The following LY86 variants were observed in gnomAD, a reference collection of about 807,000 sequenced individuals.
The protein encoded by LY86 is lymphocyte antigen 86.
In LY86, 20 loss-of-function variants were observed where a neutral mutation model predicts 17.3. The ratio of observed to expected loss-of-function variants is 1.15; its 90% CI spans 0.81 to 1.68. LY86 has a LOEUF of 1.68. Ranked by LOEUF, LY86 falls within the 40% of genes most tolerant of loss-of-function variation. The pLI, the probability that LY86 is intolerant of heterozygous loss-of-function variation, is 0.00. For synonymous variants in LY86, 74 were observed against 70.6 expected (o/e 1.05, Z -0.24); for missense variants, 200 against 191.9 (o/e 1.04, Z -0.25).
intron 1 of LY86, among the ~76,000 whole-genome samples, chr6:6,605,365 T>TA (rs1761077904): frequency 6.6e-6 from 1 of 152,232 alleles, no homozygotes; most frequent in Admixed American, 6.5e-5. Context: ...ATTCTAGGCT[T>TA]GGCTGGGGGA....
chr6:6,634,269 G>C (rs984881513), intron 3 of LY86, among the ~76,000 whole-genome samples: 1 of 152,220 alleles, frequency 6.6e-6, no homozygotes. Context: ...GCAATTAAAA[G>C]AAATATGATG....
intron 1 of LY86, among the ~76,000 whole-genome samples, chr6:6,602,036 C>T (rs910938532): frequency 5.3e-5 from 8 of 152,228 alleles, no homozygotes; most frequent in Admixed American, 2.6e-4. Flanking sequence ...AGGGTTTAGC[C>T]AGGTCATGCC....
chr6:6,629,748 C>T (rs1026787547), intron 3 of LY86, among the ~76,000 whole-genome samples: 1 of 152,212 alleles, frequency 6.6e-6, no homozygotes, highest in Non-Finnish European at 1.5e-5. Flanking sequence ...TTAAGGCAAG[C>T]ATCACATTGG....
intron 3 of LY86, among the ~76,000 whole-genome samples, chr6:6,639,947 C>T (rs1762014797): frequency 6.6e-6 from 1 of 152,180 alleles, no homozygotes; most frequent in African/African-American, 2.4e-5. Context: ...AATTAAAATG[C>T]TTTCATAGAA....
At chr6:6,633,067 C>G (rs763817383) in intron 3 of LY86, among the ~76,000 whole-genome samples, 2 of 152,166 alleles carry the variant, frequency 1.3e-5, no homozygotes, top group Admixed American at 1.3e-4. Context: ...GAATATTCCA[C>G]GTCAGGAAGA....
chr6:6,626,510 GCT>G, intron 3 of LY86, 89 bp downstream of exon 3: 2 of 1,466,534 alleles, frequency 1.4e-6, no homozygotes, highest in Non-Finnish European at 1.9e-6. Flanking sequence ...CCAGACCAGA[GCT>G]CTGTCTCTGC....
chr6:6,646,667 T>A (rs1000375877), intron 3 of LY86, among the ~76,000 whole-genome samples: 11 of 152,112 alleles, frequency 7.2e-5, no homozygotes, highest in Admixed American at 7.2e-4. Flanking sequence ...TCAACTCACT[T>A]CCCCACTGTT....
rs766464077 is a variant in LY86, at chr6:6,604,679, T to A, written c.136+15809T>A. Reference sequence around the variant, plus strand: ...TTTCAGCTTCAATAAATGCAATAACTCTTCAATGTTTATTAGCCAGAGATA... The same window carrying A: ...TTTCAGCTTCAATAAATGCAATAACACTTCAATGTTTATTAGCCAGAGATA... On this transcript the variant is annotated intron_variant, in intron 1 of 4. Transcript: ENST00000230568. 3.3e-5 allele frequency among the ~76,000 whole-genome samples: 5 copies of A among 152,062 alleles called. No individual in the cohort carries two copies. The South Asian group carries it at 1.0e-3, about 32-fold the overall frequency.
At chr6:6,614,377 CTT>C (rs57187485) in intron 1 of LY86, among the ~76,000 whole-genome samples, 34,148 of 145,450 alleles carry the variant, frequency 0.23, 4,344 homozygotes, top group Middle Eastern at 0.39. Context: ...AATCACGTCT[CTT>C]TTTTTTTTTT....
chr6:6,622,181 G>A (rs1380065646), intron 1 of LY86, among the ~76,000 whole-genome samples: 2 of 152,154 alleles, frequency 1.3e-5, no homozygotes, highest in African/African-American at 2.4e-5. Context: ...TCTTTATTGA[G>A]ATTATTTTCC....
At chr6:6,626,201 G>T in intron 2 of LY86, 92 bp from the exon 3 acceptor site, 10 of 1,292,574 alleles carry the variant, frequency 7.7e-6, no homozygotes, top group Non-Finnish European at 1.1e-5. Flanking sequence ...GAAACAAAAG[G>T]TTCTTTAGCT....
At chr6:6,625,859 C>T (rs534788916) in intron 2 of LY86, among the ~76,000 whole-genome samples, 121 of 152,272 alleles carry the variant, frequency 7.9e-4, no homozygotes, top group African/African-American at 2.7e-3. Context: ...ACCATGGAAC[C>T]CGCTGCAGCT....
chr6:6,605,180 G>C (rs769644681), intron 1 of LY86, among the ~76,000 whole-genome samples: 7 of 152,152 alleles, frequency 4.6e-5, no homozygotes, highest in Middle Eastern at 3.2e-3. Flanking sequence ...TGATGATAAT[G>C]ATGAATTTGG....
intron 3 of LY86, among the ~76,000 whole-genome samples, chr6:6,626,870 G>A (rs1245209365): frequency 2.0e-5 from 3 of 151,582 alleles, no homozygotes; most frequent in African/African-American, 7.3e-5. Flanking sequence ...CCTTTCCCAC[G>A]TGGGTCATTG....
At chr6:6,596,859 C>T (rs1187594211) in intron 1 of LY86, among the ~76,000 whole-genome samples, 1 of 152,052 alleles carries the variant, frequency 6.6e-6, no homozygotes, top group East Asian at 1.9e-4. Flanking sequence ...ACTTTTTAAA[C>T]GAGATGCTAA....
At chr6:6,645,045 T>C (rs1311644342) in intron 3 of LY86, among the ~76,000 whole-genome samples, 1 of 152,120 alleles carries the variant, frequency 6.6e-6, no homozygotes, top group Non-Finnish European at 1.5e-5. Context: ...CTCTTAATGG[T>C]GAAGAACACA....
At chr6:6,616,524 TGAGA>T (rs1387961857) in intron 1 of LY86, among the ~76,000 whole-genome samples, 1 of 152,208 alleles carries the variant, frequency 6.6e-6, no homozygotes, top group African/African-American at 2.4e-5. Context: ...TCAAGACTAA[TGAGA>T]GAATCAACAA....
chr6:6,642,609 C>A (rs1762055915), intron 3 of LY86, among the ~76,000 whole-genome samples: 1 of 152,158 alleles, frequency 6.6e-6, no homozygotes, highest in African/African-American at 2.4e-5. Flanking sequence ...GTCCCTACTC[C>A]AAGGCAAGTT....
rs138093269 is a variant in LY86 at position 6,605,918 on chromosome 6, G to C, written c.136+17048G>C. On this transcript the variant is annotated intron_variant, in intron 1 of 4. Coordinates refer to ENST00000230568, the MANE Select transcript of LY86 (RefSeq NM_004271.4). ...TAGTCTCGCTGGCTTCAGGAATGAA[G>C]CTGCAGACCTTCACAGTATGGGTTA... Among the ~76,000 whole-genome samples the C allele has an allele frequency of 4.2e-3, 646 of 152,290 alleles. 4 individuals carry two copies. Among genetic ancestry groups the C allele is most frequent in the African/African-American group, 0.014 (592 of 41,544 alleles).
Sources: allele counts gnomAD v4.1 joint callset (sites outside exome capture counted in the v4.1 genomes callset), GRCh38; gene constraint gnomAD v4.1.1; transcripts MANE v1.5; gene names NCBI Gene and HGNC (gene_info 2026-07-23, HGNC 2026-07-21).